CACNA1C: variants seen among roughly 807,000 people sequenced by gnomAD.
The protein encoded by CACNA1C is voltage-dependent L-type calcium channel subunit alpha-1C.
In CACNA1C, 30 loss-of-function variants were observed where a neutral mutation model predicts 229.0. The ratio of observed to expected loss-of-function variants is 0.13; its 90% confidence interval spans 0.10 to 0.18. CACNA1C has a LOEUF of 0.18. CACNA1C is among the 10% of genes least tolerant of loss of function. The pLI is 1.00. For synonymous variants in CACNA1C, 1,114 were observed against 1,132.5 expected, an observed-to-expected ratio of 0.98 and a Z score of 0.33; for missense variants, 1,658 against 2,845.0, an observed-to-expected ratio of 0.58 and a Z score of 9.49.
At chr12:2,170,829 G>A (rs1044951377) in intron 3 of CACNA1C, among the ~76,000 whole-genome samples, 8 of 152,352 alleles carry the variant, frequency 5.3e-5, no homozygotes, top group African/African-American at 9.6e-5. Context: ...TCCTAGGCCC[G>A]TAGATTCTAG....
At chr12:2,489,767 C>T (rs2099710342) in intron 6 of CACNA1C, among the ~76,000 whole-genome samples, 1 of 152,230 alleles carries the variant, frequency 6.6e-6, no homozygotes, top group African/African-American at 2.4e-5. Flanking sequence ...AACTGCGTTT[C>T]TAACTCTCTC....
At chr12:2,295,222 C>T (rs115664712) in intron 3 of CACNA1C, among the ~76,000 whole-genome samples, 19 of 152,282 alleles carry the variant, frequency 1.2e-4, no homozygotes, top group Middle Eastern at 6.8e-3. Context: ...ATCCACTCCT[C>T]GTTATCCTTC....
At chr12:2,281,117 C>T (rs2091115281) in intron 3 of CACNA1C, among the ~76,000 whole-genome samples, 1 of 128,914 alleles carries the variant, frequency 7.8e-6, no homozygotes, top group Non-Finnish European at 1.6e-5. Context: ...CCCCCCGCCC[C>T]CACCCCACAA....
At chr12:2,514,596 A>G (rs1200638344) in intron 9 of CACNA1C, among the ~76,000 whole-genome samples, 2 of 152,106 alleles carry the variant, frequency 1.3e-5, no homozygotes, top group Non-Finnish European at 2.9e-5. Flanking sequence ...AGCCACGGAG[A>G]AGCCTACCTC....
At chr12:2,139,522 GC>G (rs1192810544) in intron 3 of CACNA1C, among the ~76,000 whole-genome samples, 1 of 151,238 alleles carries the variant, frequency 6.6e-6, no homozygotes, top group Non-Finnish European at 1.5e-5. Context: ...GTCTGTGAGG[GC>G]CAGGCCAGGC....
chr12:2,052,310 C>T (rs2052432667), upstream of CACNA1C, among the ~76,000 whole-genome samples: 1 of 152,146 alleles, frequency 6.6e-6, no homozygotes, highest in Non-Finnish European at 1.5e-5. Context: ...CTGCCCCTCC[C>T]GCTTCCCCTC....
intron 9 of CACNA1C, among the ~76,000 whole-genome samples, chr12:2,542,399 A>T (rs1236976218): frequency 1.3e-5 from 2 of 150,200 alleles, no homozygotes; most frequent in Non-Finnish European, 2.9e-5. Flanking sequence ...TTCGTTTTAC[A>T]GAGAGCTCAC....
At chr12:2,191,674 A>G (rs1029901568) in intron 3 of CACNA1C, among the ~76,000 whole-genome samples, 1 of 151,912 alleles carries the variant, frequency 6.6e-6, no homozygotes, top group African/African-American at 2.4e-5. Context: ...GTACTCATAC[A>G]GGCACACACG....
At chr12:2,641,240 G>T (rs573582239) in intron 30 of CACNA1C, among the ~76,000 whole-genome samples, 16 of 152,326 alleles carry the variant, frequency 1.1e-4, no homozygotes, top group African/African-American at 3.8e-4. Flanking sequence ...CCCGCTGTGT[G>T]ATGTTGCTTG....
intron 42 of CACNA1C, among the ~76,000 whole-genome samples, chr12:2,681,520 C>T (rs938390700): frequency 1.4e-4 from 21 of 152,186 alleles, no homozygotes; most frequent in African/African-American, 5.1e-4. Context: ...GATGGGCCAG[C>T]ACGTCCTGTG....
chr12:2,214,507 C>T (rs1426220319), intron 3 of CACNA1C, among the ~76,000 whole-genome samples: 1 of 151,974 alleles, frequency 6.6e-6, no homozygotes, highest in Non-Finnish European at 1.5e-5. Context: ...GACTATTATT[C>T]TTGAATTACA....
At chr12:2,671,852 C>T (rs1569175946) in intron 38 of CACNA1C, among the ~76,000 whole-genome samples, 1 of 152,146 alleles carries the variant, frequency 6.6e-6, no homozygotes, top group East Asian at 1.9e-4. Flanking sequence ...TACCAAAGGG[C>T]CCGAAACGCC....
At chr12:2,003,976 T>C (rs1382929120) in intron 1 of CACNA1C, among the ~76,000 whole-genome samples, 2 of 152,174 alleles carry the variant, frequency 1.3e-5, no homozygotes, top group East Asian at 1.9e-4. Flanking sequence ...CTTCCGGCCA[T>C]AAGGTATCAG....
chr12:2,141,786 C>T (rs919510076), intron 3 of CACNA1C, among the ~76,000 whole-genome samples: 13 of 151,208 alleles, frequency 8.6e-5, no homozygotes, highest in African/African-American at 3.1e-4. Context: ...GTATATCTGA[C>T]AGCGCTTGGC....
intron 19 of CACNA1C, 107 bp downstream of exon 19, chr12:2,593,452 C>T (rs2066452463): frequency 8.5e-7 from 1 of 1,169,956 alleles, no homozygotes; most frequent in Non-Finnish European, 1.2e-6. Flanking sequence ...ACTCTCCCAG[C>T]TCCTTGCAAA....
At chr12:2,052,783 C>T (rs2052616365), upstream of CACNA1C, among the ~76,000 whole-genome samples, 1 of 145,594 alleles carries the variant, frequency 6.9e-6, no homozygotes, top group Admixed American at 6.8e-5. Flanking sequence ...CGGGAGGGGG[C>T]CCGACTTCGG....
intron 3 of CACNA1C, among the ~76,000 whole-genome samples, chr12:2,356,582 G>GCA (rs2097369565): frequency 6.6e-6 from 1 of 152,368 alleles, no homozygotes; most frequent in Non-Finnish European, 1.5e-5. Flanking sequence ...TGCATTAGGG[G>GCA]CACACTGTTT....
At position 2,053,778 on chromosome 12, in the gene CACNA1C, C is replaced by G. The variant is rs2053212779; in HGVS notation, c.49+167C>G. ...CGGAGCGCCCGGGAGCCCGGCGGGACCGGGGCCCGAACCGCCGCGCGAGAC... is the reference window on the plus strand; with the variant it reads ...CGGAGCGCCCGGGAGCCCGGCGGGAGCGGGGCCCGAACCGCCGCGCGAGAC... On this transcript the variant is annotated intron_variant, in intron 1 of 46. Coordinates refer to ENST00000399655, the MANE Select transcript of CACNA1C (RefSeq NM_000719.7). This position sits in a 1 kb window ranked among gnomAD's most constrained non-coding sequence, Gnocchi z 5.8. Among the ~76,000 whole-genome samples the G allele has an allele frequency of 6.6e-6, 1 of 150,590 alleles. No individual in the cohort carries two copies. The highest frequency in any genetic ancestry group is 2.4e-5 in the African/African-American group (1 of 41,210).
intron 9 of CACNA1C, among the ~76,000 whole-genome samples, chr12:2,521,184 C>T (rs917994199): frequency 1.2e-4 from 18 of 152,198 alleles, no homozygotes; most frequent in Non-Finnish European, 2.4e-4. Flanking sequence ...AGATACCTGC[C>T]TTTGTATTGG....
Sources: allele counts gnomAD v4.1 joint callset (sites outside exome capture counted in the v4.1 genomes callset), GRCh38; gene constraint gnomAD v4.1.1; non-coding constraint Gnocchi (gnomAD v3.1); transcripts MANE v1.5; gene names NCBI Gene and HGNC (gene_info 2026-07-23, HGNC 2026-07-21).